The following TCF7L2 variants were observed in gnomAD, a reference collection of about 807,000 sequenced individuals.
TCF7L2 encodes transcription factor 7-like 2.
In TCF7L2, 23 loss-of-function variants were observed where a neutral mutation model predicts 77.9. The ratio of observed to expected loss-of-function variants is 0.30; its 90% confidence interval spans 0.21 to 0.42. The LOEUF (loss-of-function observed/expected upper bound fraction) is 0.42, where lower values mean the gene tolerates loss of function less well. Among genes scored for constraint, TCF7L2 ranks in the 10% least tolerant of loss-of-function variants. The probability of loss-of-function intolerance (pLI) is 1.00; values close to 1 mark genes in which losing one functional copy is unlikely to be tolerated. For synonymous variants in TCF7L2, 413 were observed against 340.2 expected (o/e 1.21, Z -2.36); for missense variants, 654 against 793.1 (o/e 0.82, Z 2.11).
intron 5 of TCF7L2, among the ~76,000 whole-genome samples, chr10:113,120,070 C>T (rs1321695182): frequency 1.3e-5 from 2 of 152,196 alleles, no homozygotes; most frequent in Non-Finnish European, 2.9e-5. Flanking sequence ...GCTGTTGCCG[C>T]GGGCTGAGAA....
chr10:113,096,525 C>T (rs749694395), intron 5 of TCF7L2, among the ~76,000 whole-genome samples: 6 of 152,146 alleles, frequency 3.9e-5, no homozygotes, highest in Non-Finnish European at 8.8e-5. Context: ...TTCTCTGTCA[C>T]GTCTCTGAAA....
At chr10:113,097,841 C>T (rs539225858) in intron 5 of TCF7L2, among the ~76,000 whole-genome samples, 28 of 150,732 alleles carry the variant, frequency 1.9e-4, no homozygotes, top group South Asian at 4.2e-4. Flanking sequence ...CGCCTGAGGT[C>T]AGGAGTCAGA....
intron 4 of TCF7L2, among the ~76,000 whole-genome samples, chr10:113,016,087 C>T (rs1431393244): frequency 1.6e-4 from 24 of 148,944 alleles, no homozygotes; most frequent in African/African-American, 2.7e-4. Context: ...TTAATTGAGA[C>T]GGAGTCTTGC....
chr10:113,154,760 A>G (rs1344012397), intron 11 of TCF7L2, among the ~76,000 whole-genome samples: 1 of 151,794 alleles, frequency 6.6e-6, no homozygotes, highest in Non-Finnish European at 1.5e-5. Flanking sequence ...TAATAAGGGA[A>G]CTCCTGAGAC....
intron 4 of TCF7L2, among the ~76,000 whole-genome samples, chr10:113,039,589 G>A (rs943688648): frequency 2.6e-5 from 4 of 152,168 alleles, no homozygotes; most frequent in Admixed American, 2.6e-4. Context: ...AAAAACGGAG[G>A]TTGAAAAGGA....
chr10:112,967,605 A>G (rs2134745078), intron 4 of TCF7L2, among the ~76,000 whole-genome samples: 1 of 152,210 alleles, frequency 6.6e-6, no homozygotes, highest in Admixed American at 6.5e-5. Flanking sequence ...AAAATGGATA[A>G]CACAAATGAA....
At chr10:113,103,509 A>C (rs2061906542) in intron 5 of TCF7L2, among the ~76,000 whole-genome samples, 1 of 152,208 alleles carries the variant, frequency 6.6e-6, no homozygotes, top group Admixed American at 6.5e-5. Flanking sequence ...AGAATGATTA[A>C]CAGGGGGCTT....
At chr10:112,967,673 T>C (rs1009296539) in intron 4 of TCF7L2, among the ~76,000 whole-genome samples, 2 of 151,552 alleles carry the variant, frequency 1.3e-5, no homozygotes, top group Non-Finnish European at 2.9e-5. Flanking sequence ...TCGCTCTTTG[T>C]TGCCCAGGCT....
chr10:113,071,137 C>T lies in TCF7L2; in HGVS notation c.552+31011C>T, dbSNP rs2057956256. On this transcript the variant is annotated intron_variant, in intron 5 of 13. Transcript: ENST00000627217. Reference sequence around the variant, plus strand: ...GCCCTAGGCTTGGCCTTCTGGAACTCACTGTTCTCTTGCTTCCTTCCACCC... The same window carrying T: ...GCCCTAGGCTTGGCCTTCTGGAACTTACTGTTCTCTTGCTTCCTTCCACCC... Among the ~76,000 whole-genome samples, 3 of 152,176 alleles carry T rather than the reference C, an allele frequency of 2.0e-5. No homozygotes were observed. The South Asian group carries it at 6.2e-4, about 32-fold the overall frequency.
chr10:113,050,562 G>A (rs1427731456), intron 5 of TCF7L2, among the ~76,000 whole-genome samples: 1 of 152,162 alleles, frequency 6.6e-6, no homozygotes, highest in Non-Finnish European at 1.5e-5. Flanking sequence ...TCTTGTAAGC[G>A]AAGGGGAACA....
chr10:113,048,363 T>G (rs2053821705), intron 5 of TCF7L2, among the ~76,000 whole-genome samples: 1 of 152,140 alleles, frequency 6.6e-6, no homozygotes, highest in Admixed American at 6.5e-5. Context: ...GATTGTAAGT[T>G]TCTTGAAGCC....
chr10:113,132,457 C>A (rs2066748612), intron 5 of TCF7L2, among the ~76,000 whole-genome samples: 1 of 152,134 alleles, frequency 6.6e-6, no homozygotes, highest in Non-Finnish European at 1.5e-5. Flanking sequence ...CCATTATGCT[C>A]TTAAAATTTA....
At chr10:113,014,657 C>T (rs1052080571) in intron 4 of TCF7L2, among the ~76,000 whole-genome samples, 5 of 151,996 alleles carry the variant, frequency 3.3e-5, no homozygotes, top group East Asian at 3.9e-4. Context: ...TGGTGGTGGG[C>T]GCCTGTAATG....
intron 4 of TCF7L2, among the ~76,000 whole-genome samples, chr10:112,984,694 T>A (rs4297396): frequency 6.6e-6 from 1 of 151,924 alleles, no homozygotes; most frequent in Non-Finnish European, 1.5e-5. Context: ...AGGGAGAGGA[T>A]GAAGCTTAGT....
At chr10:112,970,760 T>C (rs537295217) in intron 4 of TCF7L2, among the ~76,000 whole-genome samples, 1 of 152,286 alleles carries the variant, frequency 6.6e-6, no homozygotes, top group South Asian at 2.1e-4. Flanking sequence ...ACAAGTTCCC[T>C]GGCCTTCTTG....
At chr10:112,971,158 T>A (rs2038157403) in intron 4 of TCF7L2, among the ~76,000 whole-genome samples, 1 of 152,228 alleles carries the variant, frequency 6.6e-6, no homozygotes, top group Non-Finnish European at 1.5e-5. Flanking sequence ...CAAAAATCCC[T>A]TGCTCTCACC....
At chr10:113,114,230 C>G (rs1321556678) in intron 5 of TCF7L2, among the ~76,000 whole-genome samples, 1 of 152,176 alleles carries the variant, frequency 6.6e-6, no homozygotes, top group Non-Finnish European at 1.5e-5. Context: ...TATTTTGTAG[C>G]ATTTTCCCAA....
chr10:113,039,175 C>T (rs983817623), intron 4 of TCF7L2, among the ~76,000 whole-genome samples: 2 of 152,166 alleles, frequency 1.3e-5, no homozygotes, highest in African/African-American at 4.8e-5. Context: ...CTGGGCAAGC[C>T]ACCTCACCTC....
At chr10:113,027,535 T>C (rs895174269) in intron 4 of TCF7L2, among the ~76,000 whole-genome samples, 2 of 152,142 alleles carry the variant, frequency 1.3e-5, no homozygotes, top group Non-Finnish European at 2.9e-5. Context: ...ATGTATACAA[T>C]TAAAAAAACA....
Sources: allele counts gnomAD v4.1 joint callset (sites outside exome capture counted in the v4.1 genomes callset), GRCh38; gene constraint gnomAD v4.1.1; transcripts MANE v1.5; gene names NCBI Gene and HGNC (gene_info 2026-07-23, HGNC 2026-07-21).